Variants in GRID2 observed in about 807,000 individuals in gnomAD.
The protein encoded by GRID2 is glutamate receptor ionotropic, delta-2.
A neutral mutation model predicts 114.8 loss-of-function variants in GRID2; 33 were observed. The observed-to-expected ratio is 0.29, with a 90% CI of 0.22 to 0.38. GRID2 has a LOEUF of 0.38. Among genes scored for constraint, GRID2 ranks in the 10% least tolerant of loss-of-function variants. The pLI, the probability that GRID2 is intolerant of heterozygous loss-of-function variation, is 1.00. For synonymous variants in GRID2, 505 were observed against 449.9 expected (o/e 1.12, Z -1.55); for missense variants, 1,184 against 1,257.7 (o/e 0.94, Z 0.89).
chr4:93,283,841 A>G (rs1356964754), intron 8 of GRID2, among the ~76,000 whole-genome samples: 1 of 152,122 alleles, frequency 6.6e-6, no homozygotes, highest in African/African-American at 2.4e-5. Flanking sequence ...AAACAAATAC[A>G]TTCCAGTGGC....
At chr4:92,685,902 G>C (rs1176644406) in intron 2 of GRID2, among the ~76,000 whole-genome samples, 1 of 151,828 alleles carries the variant, frequency 6.6e-6, no homozygotes, top group African/African-American at 2.4e-5. Context: ...GTATGATTTT[G>C]TACAATATGC....
intron 2 of GRID2, among the ~76,000 whole-genome samples, chr4:92,872,063 C>G: frequency 6.6e-6 from 1 of 152,100 alleles, no homozygotes. Context: ...ATAGGTTAAA[C>G]TTTGCATTTG....
chr4:93,771,983 C>A, intron 15 of GRID2, 93 bp from the exon 16 acceptor site: 1 of 727,444 alleles, frequency 1.4e-6, no homozygotes, highest in South Asian at 1.8e-5. Context: ...CCCCAAAGTT[C>A]AGTTAATTAC....
intron 14 of GRID2, among the ~76,000 whole-genome samples, chr4:93,743,090 A>G (rs1218100274): frequency 6.6e-6 from 1 of 152,218 alleles, no homozygotes; most frequent in African/African-American, 2.4e-5. Context: ...AAACAGCCTT[A>G]TTACTGAAAA....
At chr4:93,023,093 T>TTGTGTGTGTG (rs370431407) in intron 2 of GRID2, among the ~76,000 whole-genome samples, 5 of 143,848 alleles carry the variant, frequency 3.5e-5, no homozygotes, top group African/African-American at 1.3e-4. Context: ...CAGAGAACAT[T>TTGTGTGTGTG]TGTGTGTGTG....
chr4:93,387,331 T>C (rs966029901), intron 8 of GRID2, among the ~76,000 whole-genome samples: 2 of 152,170 alleles, frequency 1.3e-5, no homozygotes, highest in Admixed American at 6.5e-5. Context: ...TCTCCAGAGT[T>C]AGGTAATATC....
At chr4:92,651,488 A>T (rs575563533) in intron 2 of GRID2, among the ~76,000 whole-genome samples, 6 of 152,010 alleles carry the variant, frequency 3.9e-5, no homozygotes, top group Non-Finnish European at 8.8e-5. Context: ...GTATCTATAT[A>T]ATAGGTCATA....
At chr4:92,971,674 T>A (rs937454909) in intron 2 of GRID2, among the ~76,000 whole-genome samples, 7 of 152,122 alleles carry the variant, frequency 4.6e-5, no homozygotes, top group Non-Finnish European at 1.0e-4. Flanking sequence ...ATTCATTAAT[T>A]CACCTCTCCC....
rs576408612 is a variant in GRID2, at chr4:92,351,106, T to C, written c.88+46362T>C. On this transcript the variant is annotated intron_variant, in intron 1 of 15. Coordinates refer to ENST00000282020, the MANE Select transcript of GRID2 (RefSeq NM_001510.4). ...GAAAATTTGGGTTGTTTCCACTTTT[T>C]GGCTATCATGATTAATGTTGCTATT... 1.6e-3 allele frequency among the ~76,000 whole-genome samples: 250 copies of C among 152,044 alleles called. 1 individual carries two copies. The highest frequency in any genetic ancestry group is 5.4e-3 in the African/African-American group (225 of 41,556).
At chr4:93,485,735 A>AGTAATT (rs1403829023) in intron 11 of GRID2, among the ~76,000 whole-genome samples, 12 of 151,740 alleles carry the variant, frequency 7.9e-5, no homozygotes, top group South Asian at 2.1e-4. Context: ...ATCCTTGTAC[A>AGTAATT]ACTAACCAAC....
intron 2 of GRID2, among the ~76,000 whole-genome samples, chr4:92,841,957 A>G (rs1031189672): frequency 1.3e-5 from 2 of 152,114 alleles, no homozygotes; most frequent in African/African-American, 4.8e-5. Context: ...GCTGCAGTAA[A>G]ATGAATAAGG....
rs1207943048 is a variant in GRID2, at chr4:92,987,949, T to C, written c.245-97046T>C. Reference sequence around the variant, plus strand: ...AGATGTTTGAGGGATTTCAGTGATATGACATTTTTTCTTCAGTGCATATTG... The same window carrying C: ...AGATGTTTGAGGGATTTCAGTGATACGACATTTTTTCTTCAGTGCATATTG... On this transcript the variant is annotated intron_variant, in intron 2 of 15. Transcript: ENST00000282020. Among the ~76,000 whole-genome samples, 5 of 152,306 alleles carry C rather than the reference T, an allele frequency of 3.3e-5. No homozygotes were observed. In the East Asian group the frequency reaches 7.7e-4, roughly 24 times the overall value.
intron 8 of GRID2, among the ~76,000 whole-genome samples, chr4:93,324,406 T>C (rs1329157195): frequency 6.6e-6 from 1 of 151,476 alleles, no homozygotes; most frequent in African/African-American, 2.4e-5. Context: ...GCCAACTTCA[T>C]TGTGGTGGAT....
intron 1 of GRID2, among the ~76,000 whole-genome samples, chr4:92,467,857 C>A (rs1305921859): frequency 6.6e-6 from 1 of 151,894 alleles, no homozygotes; most frequent in East Asian, 1.9e-4. Flanking sequence ...ACCCCAAAAA[C>A]TTATCTGAAC....
chr4:92,731,231 A>AT (rs35176432), intron 2 of GRID2, among the ~76,000 whole-genome samples: 45,508 of 149,098 alleles, frequency 0.31, 7,199 homozygotes, highest in East Asian at 0.51. Flanking sequence ...ACAATAAGTG[A>AT]TTTTTTTTTT....
intron 1 of GRID2, among the ~76,000 whole-genome samples, chr4:92,324,977 A>G (rs775726882): frequency 6.6e-6 from 1 of 151,962 alleles, no homozygotes; most frequent in Non-Finnish European, 1.5e-5. Context: ...TATACAAAAA[A>G]TAAATCAGCT....
chr4:92,742,470 C>G (rs933098344), intron 2 of GRID2, among the ~76,000 whole-genome samples: 1 of 152,102 alleles, frequency 6.6e-6, no homozygotes, highest in African/African-American at 2.4e-5. Context: ...TCCCTTACCC[C>G]CTTGACACAT....
intron 14 of GRID2, among the ~76,000 whole-genome samples, chr4:93,754,421 C>T (rs1355210557): frequency 3.9e-5 from 6 of 152,160 alleles, no homozygotes; most frequent in South Asian, 2.1e-4. Context: ...TCTGTTCTCA[C>T]GTTACTCTTC....
At chr4:93,396,168 A>G (rs965281601) in intron 9 of GRID2, among the ~76,000 whole-genome samples, 27 of 152,116 alleles carry the variant, frequency 1.8e-4, no homozygotes, top group African/African-American at 6.3e-4. Context: ...GTAAGAACCT[A>G]CTTCAAAGGG....
Sources: allele counts gnomAD v4.1 joint callset (sites outside exome capture counted in the v4.1 genomes callset), GRCh38; gene constraint gnomAD v4.1.1; transcripts MANE v1.5; gene names NCBI Gene and HGNC (gene_info 2026-07-23, HGNC 2026-07-21).